Variants in ARHGAP15 observed in about 807,000 individuals in gnomAD.
The protein encoded by ARHGAP15 is rho GTPase-activating protein 15.
ARHGAP15 carries 51 observed loss-of-function variants against 63.7 expected under a neutral mutation model. The observed-to-expected ratio is 0.80, with a 90% CI of 0.64 to 1.01. ARHGAP15 has a LOEUF of 1.01. Ranked by LOEUF, ARHGAP15 falls within the 50% of genes least tolerant of loss-of-function variation. ARHGAP15 has a pLI of 0.00. For missense variants in ARHGAP15, 560 were observed against 564.6 expected (o/e 0.99, Z 0.08); for synonymous variants, 191 against 193.8 (o/e 0.99, Z 0.12).
intron 10 of ARHGAP15, among the ~76,000 whole-genome samples, chr2:143,537,365 G>A (rs56060062): frequency 0.49 from 74,465 of 151,708 alleles, 18,764 homozygotes; most frequent in African/African-American, 0.59. Context: ...TTTGCTGTGC[G>A]GAAGCTCTTT....
chr2:143,401,584 A>G (rs999625168), intron 6 of ARHGAP15, among the ~76,000 whole-genome samples: 7 of 152,018 alleles, frequency 4.6e-5, no homozygotes, highest in South Asian at 2.1e-4. Context: ...AGACATATGC[A>G]GTTTTCAGTT....
intron 6 of ARHGAP15, among the ~76,000 whole-genome samples, chr2:143,418,213 T>G (rs891746210): frequency 6.6e-6 from 1 of 152,168 alleles, no homozygotes; most frequent in Non-Finnish European, 1.5e-5. Context: ...ACTGGAGTCA[T>G]CAGGACAGCC....
At chr2:143,236,903 G>C (rs35850684) in intron 5 of ARHGAP15, 25,547 of 152,126 alleles carry the variant, frequency 0.17, 2,327 homozygotes, top group Middle Eastern at 0.24. Context: ...CTAGTCCAGA[G>C]TATTTTGTGT....
chr2:143,291,598 GA>G (rs1317790412), intron 6 of ARHGAP15, among the ~76,000 whole-genome samples: 4 of 152,068 alleles, frequency 2.6e-5, no homozygotes, highest in Non-Finnish European at 5.9e-5. Flanking sequence ...AGCAGGCCAG[GA>G]GGCAGTGTGC....
chr2:143,569,777 A>C (rs1463747392), intron 11 of ARHGAP15, among the ~76,000 whole-genome samples: 1 of 152,224 alleles, frequency 6.6e-6, no homozygotes, highest in Non-Finnish European at 1.5e-5. Flanking sequence ...GAAAGAGTAC[A>C]TACAGGGGAC....
intron 12 of ARHGAP15, among the ~76,000 whole-genome samples, chr2:143,629,083 G>T (rs377590834): frequency 6.6e-6 from 1 of 151,892 alleles, no homozygotes; most frequent in Admixed American, 6.6e-5. Flanking sequence ...CCACTGGAGC[G>T]GTCTGAATTA....
chr2:143,282,193 T>C (rs1318678993), intron 6 of ARHGAP15, among the ~76,000 whole-genome samples: 1 of 152,066 alleles, frequency 6.6e-6, no homozygotes, highest in African/African-American at 2.4e-5. Flanking sequence ...TGCCCTCGTA[T>C]GGAAGTTTCT....
chr2:143,578,592 T>C (rs1159176016), intron 11 of ARHGAP15, among the ~76,000 whole-genome samples: 1 of 152,102 alleles, frequency 6.6e-6, no homozygotes, highest in South Asian at 2.1e-4. Context: ...GTTTTTTGGT[T>C]GATAATTTTG....
At chr2:143,504,539 C>A (rs997421410) in intron 9 of ARHGAP15, among the ~76,000 whole-genome samples, 1 of 152,234 alleles carries the variant, frequency 6.6e-6, no homozygotes, top group African/African-American at 2.4e-5. Flanking sequence ...AAAGCCCCTG[C>A]AGCTGTGGGA....
intron 12 of ARHGAP15, chr2:143,640,670 G>A (rs1680558208): frequency 6.6e-6 from 1 of 152,110 alleles, no homozygotes; most frequent in African/African-American, 2.4e-5. Context: ...AATGCAGAGA[G>A]CAATGGTGGA....
intron 8 of ARHGAP15, chr2:143,437,485 C>T (rs141965733): frequency 1.3e-4 from 20 of 154,086 alleles, no homozygotes; most frequent in African/African-American, 4.1e-4. Flanking sequence ...CACTTAGAAA[C>T]GTGCTTTCCA....
At chr2:143,577,026 C>A (rs1574655270) in intron 11 of ARHGAP15, among the ~76,000 whole-genome samples, 1 of 152,224 alleles carries the variant, frequency 6.6e-6, no homozygotes, top group South Asian at 2.1e-4. Flanking sequence ...AAAATAAAAG[C>A]AAATCACTTG....
intron 11 of ARHGAP15, among the ~76,000 whole-genome samples, chr2:143,568,785 T>A (rs1179861742): frequency 6.6e-6 from 1 of 152,208 alleles, no homozygotes; most frequent in African/African-American, 2.4e-5. Context: ...ATTAGTAGAC[T>A]GGATTAAGAA....
chr2:143,394,325 C>T (rs990993286), intron 6 of ARHGAP15, among the ~76,000 whole-genome samples: 1 of 152,114 alleles, frequency 6.6e-6, no homozygotes, highest in Admixed American at 6.6e-5. Flanking sequence ...ACAGCCAAGA[C>T]AAGAACACAA....
At chr2:143,196,793 A>T (rs1349727010) in intron 2 of ARHGAP15, among the ~76,000 whole-genome samples, 1 of 151,968 alleles carries the variant, frequency 6.6e-6, no homozygotes, top group East Asian at 1.9e-4. Context: ...GGGGACCTAT[A>T]TACTATATAA....
rs577730430 is a variant in ARHGAP15, at chr2:143,705,573, C to T, written c.1244+2049C>T. Among the ~76,000 whole-genome samples the T allele has an allele frequency of 4.3e-4, 65 of 152,210 alleles. 2 individuals are homozygous for T. The South Asian group carries it at 9.5e-3, about 22-fold the overall frequency. On this transcript the variant is annotated intron_variant, in intron 13 of 13. Transcript: ENST00000295095. ...TTAGGATCCAGACACACCATGAAAG[C>T]GGTTTCAAGTTACAAGTAAATACTG...
chr2:143,664,175 C>T (rs1275202257), intron 12 of ARHGAP15, among the ~76,000 whole-genome samples: 2 of 152,146 alleles, frequency 1.3e-5, no homozygotes, highest in African/African-American at 4.8e-5. Flanking sequence ...AAGTAAAGCT[C>T]TCCTCAGCAA....
chr2:143,768,106 C>A lies in ARHGAP15; in HGVS notation c.1362C>A (p.Tyr454Ter). 1 of 1,613,796 alleles carries A rather than the reference C, an allele frequency of 6.2e-7. No individual in the cohort carries two copies. Among genetic ancestry groups the A allele is most frequent in the East Asian group, 2.2e-5 (1 of 44,866 alleles). Reference protein sequence around the residue: ...ETGNMAIHMVYQNQIAELMLS... With the variant: ...ETGNMAIHMV ...GAAACATGGCGATCCACATGGTCTA[C>A]CAGAACCAGATAGCTGAGCTCATGC... The change falls in exon 14 of 14, where the codon TAC becomes TAA. Residue 454 changes from tyrosine to a stop codon, truncating the protein, a stop_gained. Coordinates refer to ENST00000295095, the MANE Select transcript of ARHGAP15 (RefSeq NM_018460.4). LOFTEE classifies it high-confidence loss of function.
chr2:143,254,339 T>A (rs1489908239), intron 6 of ARHGAP15, among the ~76,000 whole-genome samples: 1 of 151,892 alleles, frequency 6.6e-6, no homozygotes, highest in East Asian at 1.9e-4. Flanking sequence ...TGGCTGGGCA[T>A]GTTAGGCAGT....
Sources: gnomAD v4.1 joint callset for allele counts (sites outside exome capture counted in the v4.1 genomes callset) on GRCh38, gnomAD v4.1.1 for gene constraint, MANE v1.5 for transcripts, NCBI Gene and HGNC (gene_info 2026-07-23, HGNC 2026-07-21) for gene names.